Variants in CDIN1 observed in about 807,000 individuals in gnomAD.
CDIN1 encodes CDAN1-interacting nuclease 1.
In CDIN1, 33 loss-of-function variants were observed where a neutral mutation model predicts 45.3. The ratio of observed to expected loss-of-function variants is 0.73; its 90% CI spans 0.55 to 0.97. CDIN1 has a LOEUF of 0.97. CDIN1 is among the 50% of genes least tolerant of loss of function. The pLI, the probability that CDIN1 is intolerant of heterozygous loss-of-function variation, is 0.00. For synonymous variants in CDIN1, 118 were observed against 124.4 expected (o/e 0.95, Z 0.34); for missense variants, 303 against 339.4 (o/e 0.89, Z 0.84).
intron 1 of CDIN1, 106 bp from the exon 2 acceptor site, chr15:36,644,172 T>G (rs1327357606): frequency 9.7e-7 from 1 of 1,032,248 alleles, no homozygotes; most frequent in African/African-American, 1.6e-5. Flanking sequence ...GTTTTCATGT[T>G]CTGTTAGATT....
chr15:36,633,947 C>A lies in CDIN1; in HGVS notation c.102-10331C>A, dbSNP rs2039789493. On this transcript the variant is annotated intron_variant, in intron 1 of 10. Coordinates refer to ENST00000566621, the MANE Select transcript of CDIN1 (RefSeq NM_001321759.2). ...TTATTTTTTCTATTTTTAGCAGAGACCACTGTGTTACCCAGGCTGGTCTCG... is the reference window on the plus strand; with the variant it reads ...TTATTTTTTCTATTTTTAGCAGAGAACACTGTGTTACCCAGGCTGGTCTCG... Among the ~76,000 whole-genome samples the A allele has an allele frequency of 2.0e-5, 3 of 151,750 alleles. No individual in the cohort carries two copies. In the South Asian group the frequency reaches 6.3e-4, roughly 32 times the overall value.
intron 10 of CDIN1, among the ~76,000 whole-genome samples, chr15:36,770,868 C>G (rs531857294): frequency 3.6e-4 from 55 of 152,324 alleles, no homozygotes; most frequent in African/African-American, 1.2e-3. Context: ...TTAGAGTCAC[C>G]TGGTAGCTAT....
intron 10 of CDIN1, among the ~76,000 whole-genome samples, chr15:36,782,944 A>G (rs74572255): frequency 6.6e-6 from 1 of 152,222 alleles, no homozygotes; most frequent in South Asian, 2.1e-4. Flanking sequence ...ATTGTGTCAG[A>G]TCATCCCAAG....
intron 1 of CDIN1, chr15:36,626,637 CT>C: frequency 3.0e-6 from 1 of 331,820 alleles, no homozygotes; most frequent in Non-Finnish European, 5.9e-6. Context: ...AGTTTCTTCT[CT>C]TTTGGGCAAC....
intron 10 of CDIN1, among the ~76,000 whole-genome samples, chr15:36,786,337 G>A (rs2141069746): frequency 6.6e-6 from 1 of 152,276 alleles, no homozygotes; most frequent in African/African-American, 2.4e-5. Context: ...TATTAAGAAT[G>A]CTACTTGCCC....
rs913975865 is a variant in CDIN1 at position 36,745,770 on chromosome 15, G to A, written c.716+35809G>A. Among the ~76,000 whole-genome samples the A allele has an allele frequency of 4.0e-5, 6 of 151,858 alleles. No individual in the cohort carries two copies. The South Asian group carries it at 6.2e-4, about 16-fold the overall frequency. On this transcript the variant is annotated intron_variant, in intron 10 of 10. Coordinates refer to ENST00000566621, the MANE Select transcript of CDIN1 (RefSeq NM_001321759.2). ...CATCTGAAGTCAGGAGTTCAAGACC[G>A]GCCTGGCCAACATGGTGAAACCCTG...
At chr15:36,796,131 C>T (rs1471306502) in intron 10 of CDIN1, among the ~76,000 whole-genome samples, 1 of 152,128 alleles carries the variant, frequency 6.6e-6, no homozygotes, top group Non-Finnish European at 1.5e-5. Context: ...ATCTAGTCTA[C>T]TCATGGAAAG....
intron 3 of CDIN1, among the ~76,000 whole-genome samples, chr15:36,647,049 T>C (rs1263128346): frequency 1.7e-5 from 2 of 119,934 alleles, no homozygotes; most frequent in African/African-American, 3.3e-5. Context: ...TTTGAGACAG[T>C]GTCTCTCTCT....
chr15:36,746,832 C>T (rs1174083498), intron 10 of CDIN1: 2 of 343,970 alleles, frequency 5.8e-6, no homozygotes, highest in Non-Finnish European at 5.1e-6. Flanking sequence ...GCATTCGCGT[C>T]CCCCTCTTCC....
At chr15:36,734,785 C>A (rs1380425351) in intron 10 of CDIN1, among the ~76,000 whole-genome samples, 1 of 152,098 alleles carries the variant, frequency 6.6e-6, no homozygotes, top group Non-Finnish European at 1.5e-5. Flanking sequence ...TGTTTCTGGG[C>A]CAGTGTTGCT....
intron 7 of CDIN1, among the ~76,000 whole-genome samples, chr15:36,692,754 CAG>C (rs917171552): frequency 9.2e-5 from 14 of 152,204 alleles, no homozygotes; most frequent in African/African-American, 3.1e-4. Flanking sequence ...GTTGTGAAAA[CAG>C]ATGTCCAGTC....
intron 10 of CDIN1, among the ~76,000 whole-genome samples, chr15:36,723,734 G>T (rs72706783): frequency 6.6e-6 from 1 of 152,022 alleles, no homozygotes; most frequent in Non-Finnish European, 1.5e-5. Context: ...CTGGCCTGCT[G>T]TATTCCTAAT....
chr15:36,584,008 T>C (rs1047552120), intron 1 of CDIN1, among the ~76,000 whole-genome samples: 4 of 151,902 alleles, frequency 2.6e-5, no homozygotes, highest in Non-Finnish European at 4.4e-5. Context: ...AGAGCAACAC[T>C]CCGTCTCAAA....
chr15:36,731,514 A>G (rs946561926), intron 10 of CDIN1, among the ~76,000 whole-genome samples: 10 of 152,150 alleles, frequency 6.6e-5, no homozygotes, highest in African/African-American at 2.4e-4. Context: ...CCAGTCTTAT[A>G]TATGCTAATT....
chr15:36,808,179 G>T, intron 10 of CDIN1, 145 bp from the exon 11 acceptor site: 1 of 1,038,076 alleles, frequency 9.6e-7, no homozygotes, highest in Non-Finnish European at 1.4e-6. Flanking sequence ...TATAAGTTTG[G>T]CTATTTTCAG....
intron 8 of CDIN1, among the ~76,000 whole-genome samples, chr15:36,701,390 C>T (rs751694568): frequency 6.6e-6 from 1 of 151,902 alleles, no homozygotes; most frequent in African/African-American, 2.4e-5. Flanking sequence ...TTAATGAGAC[C>T]GTATTTTGCT....
intron 3 of CDIN1, among the ~76,000 whole-genome samples, chr15:36,653,406 G>A (rs760745459): frequency 3.3e-5 from 5 of 151,590 alleles, no homozygotes; most frequent in African/African-American, 1.2e-4. Flanking sequence ...GAGATTTAAT[G>A]TGGGGCCTTG....
chr15:36,758,061 G>T (rs978802583), intron 10 of CDIN1, among the ~76,000 whole-genome samples: 2 of 151,734 alleles, frequency 1.3e-5, no homozygotes, highest in Non-Finnish European at 2.9e-5. Context: ...ATAGCGTCTG[G>T]TACTATCATG....
chr15:36,685,873 C>G (rs555782283), intron 5 of CDIN1, among the ~76,000 whole-genome samples: 6 of 152,208 alleles, frequency 3.9e-5, no homozygotes, highest in Admixed American at 6.5e-5. Context: ...CCATCTCACA[C>G]CAGTTAGAAT....
Sources: allele counts gnomAD v4.1 joint callset (sites outside exome capture counted in the v4.1 genomes callset), GRCh38; gene constraint gnomAD v4.1.1; transcripts MANE v1.5; gene names NCBI Gene and HGNC (gene_info 2026-07-23, HGNC 2026-07-21).